The following ARHGAP27 variants were observed in gnomAD, a reference collection of about 807,000 sequenced individuals.
The protein encoded by ARHGAP27 is Rho GTPase activating protein 27.
Under a neutral mutation model 102.0 loss-of-function variants are expected in ARHGAP27, and 53 were observed. The ratio of observed to expected loss-of-function variants is 0.52; its 90% confidence interval spans 0.42 to 0.65. ARHGAP27 has a LOEUF of 0.65. ARHGAP27 is among the 30% of genes least tolerant of loss of function. The pLI, the probability that ARHGAP27 is intolerant of heterozygous loss-of-function variation, is 0.00. For synonymous variants in ARHGAP27, 525 were observed against 542.8 expected (o/e 0.97, Z 0.46); for missense variants, 1,117 against 1,256.2 (o/e 0.89, Z 1.68).
chr17:45,420,052 AAT>A (rs2048880654), intron 4 of ARHGAP27, among the ~76,000 whole-genome samples: 1 of 152,180 alleles, frequency 6.6e-6, no homozygotes, highest in African/African-American at 2.4e-5. Flanking sequence ...ATACTCATCA[AAT>A]ATCTAATATT....
At chr17:45,413,760 G>A in intron 4 of ARHGAP27, among the ~76,000 whole-genome samples, 1 of 152,262 alleles carries the variant, frequency 6.6e-6, no homozygotes, top group African/African-American at 2.4e-5. Flanking sequence ...TGTGCTCTAA[G>A]TAAGGCTGGC....
intron 4 of ARHGAP27, among the ~76,000 whole-genome samples, chr17:45,418,813 T>C (rs565415852): frequency 2.0e-5 from 3 of 151,946 alleles, no homozygotes; most frequent in African/African-American, 4.8e-5. Flanking sequence ...GTGGCTTTTG[T>C]ACCCTTGAGC....
At position 45,395,281 on chromosome 17, in the gene ARHGAP27, G is replaced by T; in HGVS notation, c.*175C>A. ...AGTTGGGAAGAAGGAATCACATTTT[G>T]CAAACTGCCCACTAGGGGTCACCGT... On this transcript the variant is annotated 3_prime_UTR_variant, in exon 20 of 20. Coordinates refer to ENST00000685559, the MANE Select transcript of ARHGAP27 (RefSeq NM_001282290.2). 1.4e-6 allele frequency: 1 copy of T among 735,182 alleles called. No homozygotes were observed. Among genetic ancestry groups the T allele is most frequent in the Non-Finnish European group, 2.1e-6 (1 of 467,864 alleles). The allele number at this position is 735,182 out of a possible 1,614,324, so 45.5% of individuals were successfully genotyped here.
In ARHGAP27 at chr17:45,396,282, G is replaced by A. The variant is rs1208798555; in HGVS notation, c.2176C>T (p.Leu726=). The A allele has an allele frequency of 6.2e-7, 1 of 1,611,136 alleles. No homozygotes were observed. The highest frequency in any genetic ancestry group is 8.5e-7 in the Non-Finnish European group (1 of 1,178,886). ...ATGCGGTACAGCCCGTCGATGTCCAGCCCTGGGCCAGAGGGAGGCGCTGAT... is the reference window on the plus strand; with the variant it reads ...ATGCGGTACAGCCCGTCGATGTCCAACCCTGGGCCAGAGGGAGGCGCTGAT... The part of the protein sequence containing the change: ...QCIRAVEARG[L]DIDGLYRISG... The change falls in exon 17 of 20, where the codon CTG becomes TTG. Residue 726 remains leucine, a splice_region_variant and synonymous_variant. Coordinates refer to ENST00000685559, the MANE Select transcript of ARHGAP27 (RefSeq NM_001282290.2).
Position 45,404,976 on chromosome 17 carries a change from T to A in ARHGAP27, c.1196A>T (p.His399Leu), listed in dbSNP as rs548521547. The A allele has an allele frequency of 6.2e-6, 10 of 1,613,686 alleles. No individual in the cohort carries two copies. The highest frequency in any genetic ancestry group is 8.5e-7 in the Non-Finnish European group (1 of 1,179,932). Residue 399 changes from histidine (H) to leucine (L), a missense_variant, in exon 6 of 20, where the codon CAT becomes CTT. By Grantham distance (99) the His-to-Leu change is moderately conservative. Around this residue, in one of 3 missense-constraint regions of ARHGAP27, gnomAD observed 610 missense variants for 716.4 expected, o/e 0.85. Transcript: ENST00000685559. ...PLTTPPGWSC[H>L]VSQDKQMLYT... Reference sequence around the variant, plus strand: ...GAGCATCTGCTTGTCCTGGCTGACATGACAAGACCAGCCGGGGGGTGTGGT... The same window carrying A: ...GAGCATCTGCTTGTCCTGGCTGACAAGACAAGACCAGCCGGGGGGTGTGGT...
intron 12 of ARHGAP27, 97 bp from the exon 13 acceptor site, chr17:45,398,144 G>A: frequency 2.2e-6 from 2 of 911,874 alleles, no homozygotes; most frequent in South Asian, 2.4e-5. Flanking sequence ...GAGGTGACCT[G>A]TCCCTGCCCC....
chr17:45,404,973 A>G lies in ARHGAP27; in HGVS notation c.1199T>C (p.Val400Ala). Reference protein sequence around the residue: ...LTTPPGWSCHVSQDKQMLYTN... With the variant: ...LTTPPGWSCHASQDKQMLYTN... The stretch of plus-strand genomic sequence containing the variant: ...GTAGAGCATCTGCTTGTCCTGGCTG[A>G]CATGACAAGACCAGCCGGGGGGTGT... Residue 400 changes from valine (V) to alanine (A), a missense_variant, in exon 6 of 20, where the codon GTC (valine) becomes GCC (alanine). Val to Ala is a moderately conservative substitution (Grantham distance 64). Coordinates refer to ENST00000685559, the MANE Select transcript of ARHGAP27 (RefSeq NM_001282290.2). 1 of 1,614,004 alleles carries G rather than the reference A, an allele frequency of 6.2e-7. No individual in the cohort carries two copies. The highest frequency in any genetic ancestry group is 8.5e-7 in the Non-Finnish European group (1 of 1,179,970).
chr17:45,428,042 C>A (rs1275682347), intron 4 of ARHGAP27, among the ~76,000 whole-genome samples: 1 of 152,228 alleles, frequency 6.6e-6, no homozygotes, highest in Non-Finnish European at 1.5e-5. Context: ...CGCACCTCTG[C>A]GCTTCTCAAC....
At chr17:45,395,935 C>G in intron 18 of ARHGAP27, 48 bp downstream of exon 18, 1 of 1,567,358 alleles carries the variant, frequency 6.4e-7, no homozygotes, top group South Asian at 1.2e-5. Context: ...TAAAGGGGTG[C>G]CCCGCCACGC....
chr17:45,407,028 C>T (rs945166581), intron 4 of ARHGAP27, among the ~76,000 whole-genome samples: 2 of 152,154 alleles, frequency 1.3e-5, no homozygotes, highest in Non-Finnish European at 2.9e-5. Flanking sequence ...ATAAACCTAG[C>T]CATGCGTAAG....
At chr17:45,398,363 C>T (rs974337288) in intron 12 of ARHGAP27, among the ~76,000 whole-genome samples, 2 of 152,180 alleles carry the variant, frequency 1.3e-5, no homozygotes, top group African/African-American at 4.8e-5. Context: ...ACTTTCCCTC[C>T]CCCATCCTGC....
chr17:45,402,640 A>G, intron 12 of ARHGAP27, 74 bp downstream of exon 12: 4 of 1,366,308 alleles, frequency 2.9e-6, no homozygotes, highest in Non-Finnish European at 4.1e-6. Context: ...GGTCATTTCC[A>G]GGTCAATAGT....
At chr17:45,398,501 C>T (rs550101941) in intron 12 of ARHGAP27, among the ~76,000 whole-genome samples, 7 of 152,038 alleles carry the variant, frequency 4.6e-5, no homozygotes, top group African/African-American at 1.2e-4. Flanking sequence ...TTTGGGAGGC[C>T]GAGGCGGGCA....
intron 5 of ARHGAP27, 115 bp from the exon 6 acceptor site, chr17:45,405,221 A>G: frequency 8.3e-7 from 1 of 1,206,810 alleles, no homozygotes; most frequent in East Asian, 2.5e-5. Flanking sequence ...CTGTGGGAGC[A>G]GGAGGCGGGG....
At chr17:45,417,669 G>A (rs899318662) in intron 4 of ARHGAP27, among the ~76,000 whole-genome samples, 6 of 151,490 alleles carry the variant, frequency 4.0e-5, no homozygotes, top group African/African-American at 1.5e-4. Context: ...CATGAGAATC[G>A]CTTGAACCTG....
intron 4 of ARHGAP27, among the ~76,000 whole-genome samples, chr17:45,412,962 C>CTTTTTTTTT (rs36233058): frequency 2.4e-5 from 1 of 41,142 alleles, no homozygotes; most frequent in African/African-American, 9.7e-5. Context: ...TCAGTATAAT[C>CTTTTTTTTT]TTTTTTTTTT....
Position 45,427,119 on chromosome 17 carries a change from C to T in ARHGAP27, c.657+2504G>A, listed in dbSNP as rs1187640595. Among the ~76,000 whole-genome samples the T allele has an allele frequency of 6.6e-6, 1 of 151,942 alleles. No homozygotes were observed. Among genetic ancestry groups the T allele is most frequent in the Non-Finnish European group, 1.5e-5 (1 of 67,992 alleles). ...TGATTTCCCTCCCACCTCCCTCGGC[C>T]CCCAGACCCTGCCCATCCATCTCCC... On this transcript the variant is annotated intron_variant, in intron 4 of 19. Transcript: ENST00000685559. This position sits in a 1 kb window ranked among gnomAD's most constrained non-coding sequence, Gnocchi z 4.5.
At chr17:45,408,455 AG>A (rs2047490310) in intron 4 of ARHGAP27, 1 of 152,164 alleles carries the variant, frequency 6.6e-6, no homozygotes, top group African/African-American at 2.4e-5. Flanking sequence ...GCCAGTCCCC[AG>A]GCGCCTGGGG....
At chr17:45,404,408 G>C in intron 8 of ARHGAP27, 37 bp downstream of exon 8, 1 of 1,613,598 alleles carries the variant, frequency 6.2e-7, no homozygotes, top group Non-Finnish European at 8.5e-7. Flanking sequence ...CTGCTTCTGT[G>C]GTGGTCCTGC....
Sources: allele counts gnomAD v4.1 joint callset (sites outside exome capture counted in the v4.1 genomes callset), GRCh38; gene constraint gnomAD v4.1.1; regional missense constraint gnomAD v4.1.1; non-coding constraint Gnocchi (gnomAD v3.1); transcripts MANE v1.5; gene names NCBI Gene and HGNC (gene_info 2026-07-23, HGNC 2026-07-21).